Variants in TAS1R1 observed in about 807,000 individuals in gnomAD.
The protein encoded by TAS1R1 is taste receptor type 1 member 1.
In TAS1R1, 31 loss-of-function variants were observed where a neutral mutation model predicts 45.8. That is an observed-to-expected ratio of 0.68 (90% CI 0.51 to 0.91). The LOEUF (loss-of-function observed/expected upper bound fraction) is 0.91. TAS1R1 is among the 40% of genes least tolerant of loss of function. The probability of loss-of-function intolerance (pLI) is 0.00; values close to 1 mark genes in which losing one functional copy is unlikely to be tolerated. For synonymous variants in TAS1R1, 437 were observed against 448.4 expected, an observed-to-expected ratio of 0.97 and a Z score of 0.32; for missense variants, 1,051 against 1,063.9, an observed-to-expected ratio of 0.99 and a Z score of 0.17.
chr1:6,567,428 T>C (rs934485219), intron 1 of TAS1R1, among the ~76,000 whole-genome samples: 3 of 151,976 alleles, frequency 2.0e-5, no homozygotes, highest in Non-Finnish European at 4.4e-5. Context: ...GGCGTGGTGG[T>C]GTGCGCCTGT....
chr1:6,579,461 C>T lies in TAS1R1; in HGVS notation c.2403C>T (p.Ser801=). The part of the protein sequence containing the change: ...ANMMAGLSSL[S]SGFGGYFLPK... ...TGATGGCTGGGCTGAGCAGCCTGAGCAGCGGCTTCGGTGGGTATTTTCTGC... is the reference window on the plus strand; with the variant it reads ...TGATGGCTGGGCTGAGCAGCCTGAGTAGCGGCTTCGGTGGGTATTTTCTGC... Residue 801 remains serine, a synonymous_variant, in exon 6 of 6, where the codon AGC becomes AGT. Transcript: ENST00000333172. The T allele has an allele frequency of 6.2e-7, 1 of 1,614,096 alleles. No individual in the cohort carries two copies. Among genetic ancestry groups the T allele is most frequent in the Admixed American group, 1.7e-5 (1 of 60,030 alleles).
chr1:6,576,598 A>C lies in TAS1R1; in HGVS notation c.1444A>C (p.Lys482Gln). 3 of 1,613,866 alleles carry C rather than the reference A, an allele frequency of 1.9e-6. No homozygotes were observed. The highest frequency in any genetic ancestry group is 2.5e-6 in the Non-Finnish European group (3 of 1,179,748). The change falls in exon 4 of 6, where the codon AAA (lysine) becomes CAA (glutamine). Residue 482 changes from lysine to glutamine, a missense_variant. Lys to Gln is a moderately conservative substitution (Grantham distance 53, BLOSUM62 1). Transcript: ENST00000333172. ...SPVQLNINET[K>Q]IQWHGKDNQV... ...AGTTCAGCTAAACATAAATGAGACC[A>C]AAATCCAGTGGCACGGAAAGGACAA...
chr1:6,563,754 T>G (rs987780853), intron 1 of TAS1R1, among the ~76,000 whole-genome samples: 1 of 151,904 alleles, frequency 6.6e-6, no homozygotes, highest in East Asian at 1.9e-4. Context: ...TTAGGAGCGG[T>G]AGATAGGCAA....
chr1:6,571,930 TGCTGACA>T (rs1640028133), intron 2 of TAS1R1, among the ~76,000 whole-genome samples: 3 of 152,102 alleles, frequency 2.0e-5, no homozygotes, highest in African/African-American at 7.2e-5. Flanking sequence ...GGCTCAGAGG[TGCTGACA>T]TGCCTCACCT....
rs746882729 is a variant in TAS1R1, at chr1:6,576,606, G to A, written c.1452G>A (p.Gln484=). 4.0e-5 allele frequency: 65 copies of A among 1,613,572 alleles called. No individual in the cohort carries two copies. Among genetic ancestry groups the A allele is most frequent in the Non-Finnish European group, 5.1e-5 (60 of 1,179,678 alleles). ...VQLNINETKI[Q]WHGKDNQVPK... ...TAAACATAAATGAGACCAAAATCCA[G>A]TGGCACGGAAAGGACAACCAGGTAA... The change falls in exon 4 of 6, where the codon CAG becomes CAA. Residue 484 remains glutamine (Q), a synonymous_variant. Coordinates refer to ENST00000333172, the MANE Select transcript of TAS1R1 (RefSeq NM_138697.4).
Position 6,574,233 on chromosome 1 carries a change from T to C in TAS1R1, c.499-398T>C, listed in dbSNP as rs1640096052. Among the ~76,000 whole-genome samples the C allele has an allele frequency of 1.3e-5, 2 of 152,184 alleles. No homozygotes were observed. Among genetic ancestry groups the C allele is most frequent in the Admixed American group, 6.5e-5 (1 of 15,280 alleles). Reference sequence around the variant, plus strand: ...GCTGTAAATACAGATGAAGCTTCGCTTACTCACCAGCTGCTCACCTCCTCC... The same window carrying C: ...GCTGTAAATACAGATGAAGCTTCGCCTACTCACCAGCTGCTCACCTCCTCC... On this transcript the variant is annotated intron_variant, in intron 2 of 5. Transcript: ENST00000333172. The surrounding 1 kb of genome is among the most constrained non-coding windows in gnomAD (Gnocchi z 4.3).
chr1:6,562,354 G>C (rs1401029965), intron 1 of TAS1R1, among the ~76,000 whole-genome samples: 2 of 152,156 alleles, frequency 1.3e-5, no homozygotes, highest in Non-Finnish European at 2.9e-5. Context: ...ATTTTTAGTA[G>C]AGATGGGGTT....
chr1:6,565,040 C>T (rs945267829), intron 1 of TAS1R1, among the ~76,000 whole-genome samples: 3 of 151,744 alleles, frequency 2.0e-5, no homozygotes, highest in Non-Finnish European at 4.4e-5. Context: ...GTACAGGGGG[C>T]ACGCACCGAT....
In TAS1R1 at chr1:6,579,717, A is replaced by G; in HGVS notation, c.*133A>G. 8.0e-7 allele frequency: 1 copy of G among 1,248,874 alleles called. No individual in the cohort carries two copies. The highest frequency in any genetic ancestry group is 1.5e-5 in the African/African-American group (1 of 66,214). The allele number at this position is 1,248,874 out of a possible 1,614,324, so 77.4% of individuals were successfully genotyped here. ...GACGTGTAAGCGCCTGGGAGAGCCT[A>G]GACCAGGCTCCGGGCTGCCAATAAA... is the stretch of plus-strand genomic sequence containing the variant. On this transcript the variant is annotated 3_prime_UTR_variant, in exon 6 of 6. Coordinates refer to ENST00000333172, the MANE Select transcript of TAS1R1 (RefSeq NM_138697.4).
intron 2 of TAS1R1, among the ~76,000 whole-genome samples, chr1:6,573,553 C>T (rs1465139780): frequency 1.3e-5 from 2 of 152,182 alleles, no homozygotes; most frequent in Non-Finnish European, 2.9e-5. Flanking sequence ...CCAACCTTTT[C>T]GGCATCAGGG....
rs770363613 is a variant in TAS1R1 at position 6,555,866 on chromosome 1, C to CTTTTTTTTTTTTTTTTTTTTT, written c.191+305_191+325dup. Among the ~76,000 whole-genome samples the CTTTTTTTTTTTTTTTTTTTTT allele has an allele frequency of 2.1e-5, 2 of 95,304 alleles. 1 individual carries two copies. The highest frequency in any genetic ancestry group is 4.1e-5 in the Non-Finnish European group (2 of 49,168). 62.5% of individuals were successfully genotyped at this position (95,304 alleles called of 152,430 possible). A position where few individuals can be genotyped will look rare whatever the true frequency, so the allele number is the denominator to read the frequency against. On this transcript the variant is annotated intron_variant, in intron 1 of 5. Transcript: ENST00000333172. The stretch of plus-strand genomic sequence containing the variant: ...AAGCAAGGGCAGCTTTTTCCCTCTT[C>CTTTTTTTTTTTTTTTTTTTTT]TTTTTTTTTTTTTTTTTTTTTTTGA...
At position 6,579,548 on chromosome 1, in the gene TAS1R1, C is replaced by T; in HGVS notation, c.2490C>T (p.Ser830=). The T allele has an allele frequency of 1.2e-6, 2 of 1,612,024 alleles. No homozygotes were observed. The highest frequency in any genetic ancestry group is 1.7e-6 in the Non-Finnish European group (2 of 1,179,858). ...DLNSTEHFQA[S]IQDYTRRCGS... is the part of the protein sequence containing the mutation. ...ACAGCACAGAGCACTTCCAGGCCTC[C>T]ATTCAGGACTACACGAGGCGCTGCG... The change falls in exon 6 of 6, where the codon TCC becomes TCT. Residue 830 remains serine, a synonymous_variant. Transcript: ENST00000333172.
intron 1 of TAS1R1, among the ~76,000 whole-genome samples, chr1:6,565,047 C>T (rs562612633): frequency 2.0e-5 from 3 of 151,862 alleles, no homozygotes; most frequent in East Asian, 1.9e-4. Context: ...GGGCACGCAC[C>T]GATATGGAAG....
chr1:6,555,889 T>TTTTTTTG, intron 1 of TAS1R1, among the ~76,000 whole-genome samples: 2 of 135,808 alleles, frequency 1.5e-5, no homozygotes, highest in African/African-American at 6.0e-5. Context: ...TTTTTTTTTT[T>TTTTTTTG]GAGACGGAGT....
At chr1:6,562,611 T>C (rs1639809459) in intron 1 of TAS1R1, among the ~76,000 whole-genome samples, 1 of 152,208 alleles carries the variant, frequency 6.6e-6, no homozygotes, top group Non-Finnish European at 1.5e-5. Context: ...TTGTTCCTGT[T>C]GCGGTGGTAA....
chr1:6,568,094 T>A (rs893470381), intron 1 of TAS1R1, among the ~76,000 whole-genome samples: 1 of 152,094 alleles, frequency 6.6e-6, no homozygotes, highest in African/African-American at 2.4e-5. Flanking sequence ...AGGGCCATCT[T>A]CAGCCTTTTT....
chr1:6,577,771 T>C (rs1029011665), intron 5 of TAS1R1, among the ~76,000 whole-genome samples: 5 of 152,042 alleles, frequency 3.3e-5, no homozygotes, highest in Non-Finnish European at 7.4e-5. Context: ...GAGGTTGCAG[T>C]GAGCCAAGAT....
In TAS1R1 at chr1:6,577,024, C is replaced by T. The variant is rs1258103737; in HGVS notation, c.1548C>T (p.Cys516=). 3 of 1,614,104 alleles carry T rather than the reference C, an allele frequency of 1.9e-6. No individual in the cohort carries two copies. Among genetic ancestry groups the T allele is most frequent in the African/African-American group, 2.7e-5 (2 of 74,944 alleles). The change falls in exon 5 of 6, where the codon TGC becomes TGT. Residue 516 remains cysteine (C), a synonymous_variant. Coordinates refer to ENST00000333172, the MANE Select transcript of TAS1R1 (RefSeq NM_138697.4). ...QRVVTGFHHC[C]FECVPCGAGT... is the part of the protein sequence containing the mutation. The stretch of plus-strand genomic sequence containing the variant: ...TGGTTACGGGTTTCCATCACTGCTG[C>T]TTTGAGTGTGTGCCCTGTGGGGCTG...
chr1:6,574,760 T>C lies in TAS1R1; in HGVS notation c.628T>C (p.Trp210Arg). Residue 210 changes from tryptophan to arginine, a missense_variant, in exon 3 of 6, where the codon TGG becomes CGG. By Grantham distance (101) the Trp-to-Arg change is moderately radical. Transcript: ENST00000333172. The surrounding 1 kb of genome is among the most constrained non-coding windows in gnomAD (Gnocchi z 4.3). ...VLLLQKFGWT[W>R]ISLVGSSDDY... ...GCTGCTGCAGAAGTTCGGGTGGACCTGGATCTCTCTGGTTGGCAGCAGTGA... is the reference window on the plus strand; with the variant it reads ...GCTGCTGCAGAAGTTCGGGTGGACCCGGATCTCTCTGGTTGGCAGCAGTGA... 2 of 1,614,262 alleles carry C rather than the reference T, an allele frequency of 1.2e-6. No homozygotes were observed. Among genetic ancestry groups the C allele is most frequent in the Non-Finnish European group, 8.5e-7 (1 of 1,180,042 alleles).
Sources: gnomAD v4.1 joint callset for allele counts (sites outside exome capture counted in the v4.1 genomes callset) on GRCh38, gnomAD v4.1.1 for gene constraint, Gnocchi (gnomAD v3.1) non-coding constraint, MANE v1.5 for transcripts, NCBI Gene and HGNC (gene_info 2026-07-23, HGNC 2026-07-21) for gene names.